The following SLC41A3 variants were observed in gnomAD, a reference collection of about 807,000 sequenced individuals.
SLC41A3 encodes SLC41A1-like 2.
In SLC41A3, 44 loss-of-function variants were observed where a neutral mutation model predicts 45.4. The observed-to-expected ratio is 0.97, with a 90% CI of 0.76 to 1.25. The LOEUF is 1.25. SLC41A3 is among the 50% of genes most tolerant of loss of function. The probability of loss-of-function intolerance (pLI) is 0.00; values close to 1 mark genes in which losing one functional copy is unlikely to be tolerated. For synonymous variants in SLC41A3, 256 were observed against 252.4 expected (o/e 1.01, Z -0.13); for missense variants, 550 against 600.6 (o/e 0.92, Z 0.88).
chr3:126,083,032 A>T (rs1258139607), intron 1 of SLC41A3, among the ~76,000 whole-genome samples: 5 of 152,308 alleles, frequency 3.3e-5, no homozygotes, highest in African/African-American at 1.2e-4. Context: ...TCTGTTGCCT[A>T]ATCTGTGAAA....
chr3:126,089,012 C>T (rs1304015317), upstream of SLC41A3, among the ~76,000 whole-genome samples: 1 of 152,096 alleles, frequency 6.6e-6, no homozygotes, highest in Non-Finnish European at 1.5e-5. Flanking sequence ...AGGGGACTGC[C>T]CAGCTCTCTG....
intron 2 of SLC41A3, chr3:126,056,322 C>T: frequency 1.2e-6 from 2 of 1,601,606 alleles, no homozygotes; most frequent in Non-Finnish European, 8.5e-7. Context: ...GTCTGTGTGT[C>T]TCCCACCCCT....
intron 1 of SLC41A3, chr3:126,095,280 A>G: frequency 1.5e-6 from 1 of 678,040 alleles, no homozygotes; most frequent in East Asian, 2.8e-5. Context: ...GAGGATCCCA[A>G]GGACCCCCTG....
intron 3 of SLC41A3, among the ~76,000 whole-genome samples, chr3:126,050,014 A>G (rs559503861): frequency 3.3e-5 from 5 of 152,126 alleles, no homozygotes; most frequent in African/African-American, 1.2e-4. Context: ...GTTCCTCTCT[A>G]TAAGGACCCC....
intron 1 of SLC41A3, among the ~76,000 whole-genome samples, chr3:126,091,551 A>C (rs756930196): frequency 1.3e-5 from 2 of 152,164 alleles, no homozygotes; most frequent in Non-Finnish European, 2.9e-5. Flanking sequence ...CTAGGTTGAA[A>C]TAGGGGTTGT....
chr3:126,054,992 A>G (rs1397236001), intron 2 of SLC41A3, among the ~76,000 whole-genome samples: 1 of 152,064 alleles, frequency 6.6e-6, no homozygotes, highest in Admixed American at 6.5e-5. Context: ...TGAGCGTCCC[A>G]TCAACTGAGA....
At chr3:126,098,210 G>C (rs529654064) in intron 1 of SLC41A3, among the ~76,000 whole-genome samples, 9 of 152,310 alleles carry the variant, frequency 5.9e-5, no homozygotes, top group Admixed American at 4.6e-4. Context: ...TCAGGAGATA[G>C]TAAAGATTCA....
intron 1 of SLC41A3, among the ~76,000 whole-genome samples, chr3:126,100,697 A>G (rs1077620): frequency 0.23 from 34,355 of 152,090 alleles, 4,404 homozygotes; most frequent in Non-Finnish European, 0.28. Flanking sequence ...CAGAAACACT[A>G]ATTTGTTTCT....
intron 9 of SLC41A3, among the ~76,000 whole-genome samples, chr3:126,012,249 C>T (rs1566714): frequency 0.24 from 37,193 of 152,108 alleles, 4,766 homozygotes; most frequent in Non-Finnish European, 0.27. Context: ...AGTGTATTTC[C>T]TCTAATTCTT....
At chr3:126,069,890 T>C (rs532105171) in intron 1 of SLC41A3, among the ~76,000 whole-genome samples, 99 of 151,798 alleles carry the variant, frequency 6.5e-4, no homozygotes, top group Middle Eastern at 3.4e-3. Context: ...ATATAAAGAA[T>C]TGCTGAACTG....
intron 3 of SLC41A3, among the ~76,000 whole-genome samples, chr3:126,040,238 A>G (rs1206156908): frequency 6.6e-6 from 1 of 152,234 alleles, no homozygotes; most frequent in Non-Finnish European, 1.5e-5. Context: ...TACATATTAC[A>G]ATGAACTTGA....
chr3:126,091,000 A>T (rs1033840167), intron 1 of SLC41A3, among the ~76,000 whole-genome samples: 1 of 152,100 alleles, frequency 6.6e-6, no homozygotes, highest in Non-Finnish European at 1.5e-5. Context: ...AGTGGCTCCA[A>T]TCCCCTTCTA....
In SLC41A3 at chr3:126,022,905, C is replaced by T; in HGVS notation, c.626G>A (p.Gly209Asp). 1 of 1,614,170 alleles carries T rather than the reference C, an allele frequency of 6.2e-7. No homozygotes were observed. Among genetic ancestry groups the T allele is most frequent in the Non-Finnish European group, 8.5e-7 (1 of 1,180,040 alleles). Reference protein sequence around the residue: ...LGVLMVCIVIGARKLGVNPDN... With the variant: ...LGVLMVCIVIDARKLGVNPDN... ...TGGGTTGACCCCGAGCTTTCGAGCACCAATCACTATACAGACCATCAGCAC... is the reference window on the plus strand; with the variant it reads ...TGGGTTGACCCCGAGCTTTCGAGCATCAATCACTATACAGACCATCAGCAC... Residue 209 changes from glycine (G) to aspartate (D), a missense_variant, in exon 6 of 11, where the codon GGT (glycine) becomes GAT (aspartate). Physicochemically the swap from Gly to Asp is moderately conservative, Grantham distance 94. Transcript: ENST00000360370.
chr3:126,056,738 G>A, intron 2 of SLC41A3: 3 of 1,422,166 alleles, frequency 2.1e-6, no homozygotes, highest in Non-Finnish European at 1.8e-6. Flanking sequence ...GGCCAGCACA[G>A]ATGAGTGAGG....
At chr3:126,095,319 G>A in intron 1 of SLC41A3, 1 of 619,022 alleles carries the variant, frequency 1.6e-6, no homozygotes, top group Non-Finnish European at 2.9e-6. Context: ...TGATGCTCAG[G>A]AGGACCCCAA....
intron 2 of SLC41A3, among the ~76,000 whole-genome samples, chr3:126,067,100 CG>C (rs1179030621): frequency 0.022 from 2,695 of 121,204 alleles, 102 homozygotes; most frequent in East Asian, 0.098. Flanking sequence ...ACCGCCCCCC[CG>C]CCCCCCGCCC....
At position 126,022,805 on chromosome 3, in the gene SLC41A3, G is replaced by A. The variant is rs751235213; in HGVS notation, c.726C>T (p.Ser242=). The A allele has an allele frequency of 3.1e-6, 5 of 1,614,240 alleles. No homozygotes were observed. In the South Asian group the frequency reaches 4.4e-5, roughly 14 times the overall value. ...CTTTACCTTTGTGTCTGTAGAAGAA[G>A]CTGCTAACCAAAGCCAGAATGGACA... ...ITLSILALVS[S]FFYRHKDSRY... Residue 242 remains serine (S), a synonymous_variant, in exon 6 of 11, where the codon AGC becomes AGT. Transcript: ENST00000360370.
At chr3:126,033,475 G>T in intron 4 of SLC41A3, 132 bp downstream of exon 4, 1 of 919,310 alleles carries the variant, frequency 1.1e-6, no homozygotes, top group Non-Finnish European at 1.7e-6. Context: ...ATGTGGGAGG[G>T]ACAGGTAGCT....
intron 2 of SLC41A3, among the ~76,000 whole-genome samples, chr3:126,064,071 G>A (rs1001068996): frequency 7.2e-5 from 11 of 152,028 alleles, no homozygotes; most frequent in Admixed American, 6.6e-4. Flanking sequence ...GCTTCCTGGA[G>A]AGGCTCTTCT....
Sources: allele counts gnomAD v4.1 joint callset (sites outside exome capture counted in the v4.1 genomes callset), GRCh38; gene constraint gnomAD v4.1.1; transcripts MANE v1.5; gene names NCBI Gene and HGNC (gene_info 2026-07-23, HGNC 2026-07-21).